Variants in DOCK11 observed in about 807,000 individuals in gnomAD.
The protein encoded by DOCK11 is dedicator of cytokinesis 11, also known as dedicator of cytokinesis protein 11.
In DOCK11, 70 loss-of-function variants were observed where a neutral mutation model predicts 169.1. That is an observed-to-expected ratio of 0.41 (90% CI 0.34 to 0.51). The LOEUF is 0.51. DOCK11 is among the 20% of genes least tolerant of loss of function. DOCK11 has a pLI of 0.10. For synonymous variants in DOCK11, 529 were observed against 541.3 expected, an observed-to-expected ratio of 0.98 and a Z score of 0.32; for missense variants, 1,166 against 1,538.8, an observed-to-expected ratio of 0.76 and a Z score of 4.05.
At chrX:118,647,560 TTAATA>T (rs1485610006) in intron 40 of DOCK11, among the ~76,000 whole-genome samples, 20 of 70,086 alleles carry the variant, frequency 2.9e-4, no homozygotes, top group African/African-American at 7.8e-4. Flanking sequence ...TTATTATATA[TTAATA>T]TAATATATTA....
At chrX:118,603,613 G>A (rs1245192117) in intron 23 of DOCK11, among the ~76,000 whole-genome samples, 1 of 112,121 alleles carries the variant, frequency 8.9e-6, no homozygotes, top group East Asian at 2.8e-4. Context: ...TGTTGATATT[G>A]CAATTATTTA....
intron 1 of DOCK11, among the ~76,000 whole-genome samples, chrX:118,506,327 C>T (rs994380060): frequency 9.0e-6 from 1 of 111,314 alleles, no homozygotes; most frequent in African/African-American, 3.3e-5. Context: ...TTAATCCTCA[C>T]ATTTAATAGT....
chrX:118,618,923 T>C (rs1281134037), intron 31 of DOCK11, among the ~76,000 whole-genome samples, 195 bp downstream of exon 31: 1 of 110,148 alleles, frequency 9.1e-6, no homozygotes, highest in Non-Finnish European at 1.9e-5. Flanking sequence ...AGTGGCATGA[T>C]CTCGGCTCAC....
intron 12 of DOCK11, among the ~76,000 whole-genome samples, chrX:118,576,372 G>A (rs891640971): frequency 8.9e-6 from 1 of 111,783 alleles, no homozygotes; most frequent in African/African-American, 3.3e-5. Flanking sequence ...TCCAGCCCAC[G>A]TGGGATTTCT....
chrX:118,578,742 A>G, intron 13 of DOCK11, 95 bp downstream of exon 13: 4 of 889,642 alleles, frequency 4.5e-6, no homozygotes, highest in Non-Finnish European at 4.6e-6. Flanking sequence ...CATGCTATAT[A>G]TTCTGAAAAC....
chrX:118,520,860 C>T (rs1882001477), intron 1 of DOCK11, among the ~76,000 whole-genome samples: 1 of 111,907 alleles, frequency 8.9e-6, no homozygotes, highest in Admixed American at 9.5e-5. Context: ...ATTAAATCTG[C>T]TTGTGCGTGG....
At chrX:118,651,370 G>A (rs1332486269) in intron 41 of DOCK11, among the ~76,000 whole-genome samples, 8 of 111,474 alleles carry the variant, frequency 7.2e-5, no homozygotes, top group Non-Finnish European at 1.5e-4. Context: ...GGAGGTTGAG[G>A]CTGCAGTGAA....
At chrX:118,682,156 C>A (rs1003297890) in intron 51 of DOCK11, among the ~76,000 whole-genome samples, 3 of 110,651 alleles carry the variant, frequency 2.7e-5, no homozygotes, top group African/African-American at 6.6e-5. Flanking sequence ...AGAAGTGGGG[C>A]AGGAAAGATT....
chrX:118,684,222 T>C (rs1282310773), intron 52 of DOCK11, among the ~76,000 whole-genome samples: 1 of 110,234 alleles, frequency 9.1e-6, no homozygotes, highest in African/African-American at 3.3e-5. Flanking sequence ...AATACCGAAG[T>C]ATATAGTCCT....
chrX:118,661,866 T>G (rs1192247902), intron 44 of DOCK11, among the ~76,000 whole-genome samples: 1 of 111,641 alleles, frequency 9.0e-6, no homozygotes, highest in Non-Finnish European at 1.9e-5. Context: ...TTGAGTTCAC[T>G]TCCTACTTCC....
At chrX:118,678,402 T>G (rs1166653843) in intron 48 of DOCK11, among the ~76,000 whole-genome samples, 1 of 112,393 alleles carries the variant, frequency 8.9e-6, no homozygotes, top group African/African-American at 3.2e-5. Context: ...ACCTAGACAT[T>G]AAAAAGCATG....
chrX:118,597,684 A>T (rs2014211161), intron 21 of DOCK11, 132 bp downstream of exon 21: 3 of 697,243 alleles, frequency 4.3e-6, no homozygotes, highest in Non-Finnish European at 6.2e-6. Context: ...CACAACAAAG[A>T]TAAACATGGA....
At chrX:118,646,067 A>AC (rs1197429975) in intron 40 of DOCK11, among the ~76,000 whole-genome samples, 5 of 106,699 alleles carry the variant, frequency 4.7e-5, no homozygotes, top group African/African-American at 1.7e-4. Context: ...AAAAAAAAAA[A>AC]AAAAAAAAAC....
chrX:118,655,046 T>C, intron 44 of DOCK11, 85 bp downstream of exon 44: 1 of 906,071 alleles, frequency 1.1e-6, no homozygotes, highest in Non-Finnish European at 1.6e-6. Context: ...ATGAATATGA[T>C]ATAATAGAAC....
At chrX:118,552,910 A>G (rs1468581667) in intron 6 of DOCK11, among the ~76,000 whole-genome samples, 1 of 111,631 alleles carries the variant, frequency 9.0e-6, no homozygotes, top group African/African-American at 3.3e-5. Context: ...CCCAAAAAAC[A>G]AAAAACCAAC....
Position 118,553,007 on chromosome X carries a change from TATC to T in DOCK11, c.558+6894_558+6896del, listed in dbSNP as rs1168520786. 3.6e-5 allele frequency among the ~76,000 whole-genome samples: 4 copies of T among 112,243 alleles called. No individual in the cohort carries two copies. In the East Asian group the frequency reaches 1.1e-3, roughly 32 times the overall value. The stretch of plus-strand genomic sequence containing the variant: ...ATTCAAGTTAAAACAGGACAAGCCT[TATC>T]ATAGTGATTAATTTCGTCAATTTGT... On this transcript the variant is annotated intron_variant, in intron 6 of 52. Transcript: ENST00000276202.
intron 1 of DOCK11, among the ~76,000 whole-genome samples, chrX:118,500,770 G>A (rs1279547321): frequency 9.1e-6 from 1 of 110,218 alleles, no homozygotes; most frequent in Non-Finnish European, 1.9e-5. Context: ...GCAGGCAAAC[G>A]CCACCGTGCC....
chrX:118,661,169 A>G (rs1045460582), intron 44 of DOCK11, among the ~76,000 whole-genome samples: 2 of 106,522 alleles, frequency 1.9e-5, no homozygotes, highest in Non-Finnish European at 3.9e-5. Context: ...TGATCACGCT[A>G]CTGCACTGCA....
chrX:118,499,400 G>A (rs187928193), intron 1 of DOCK11, among the ~76,000 whole-genome samples: 1 of 111,212 alleles, frequency 9.0e-6, no homozygotes, highest in Non-Finnish European at 1.9e-5. Context: ...GCCCCTGGAC[G>A]CGCCGTAATG....
Sources: allele counts gnomAD v4.1 joint callset (sites outside exome capture counted in the v4.1 genomes callset), GRCh38; gene constraint gnomAD v4.1.1; transcripts MANE v1.5; gene names NCBI Gene and HGNC (gene_info 2026-07-23, HGNC 2026-07-21).